The following PLAC1 variants were observed in gnomAD, a reference collection of about 807,000 sequenced individuals.
PLAC1 encodes placenta associated 1, also known as placenta-specific protein 1.
For synonymous variants in PLAC1, 68 were observed against 62.1 expected (o/e 1.09, Z -0.44); for missense variants, 136 against 163.2 (o/e 0.83, Z 0.91).
intron 1 of PLAC1, among the ~76,000 whole-genome samples, chrX:134,625,289 G>C (rs1054283025): frequency 8.9e-6 from 1 of 112,372 alleles, no homozygotes; most frequent in Non-Finnish European, 1.9e-5. Flanking sequence ...ATGGCACACA[G>C]AATCACTTTT....
At chrX:134,619,515 G>C (rs969451667) in intron 1 of PLAC1, among the ~76,000 whole-genome samples, 2 of 110,288 alleles carry the variant, frequency 1.8e-5, no homozygotes, top group Non-Finnish European at 3.8e-5. Context: ...GCCAGGCATG[G>C]TGGCATGCGC....
chrX:134,609,099 A>C (rs1158878968), intron 1 of PLAC1, among the ~76,000 whole-genome samples: 1 of 110,312 alleles, frequency 9.1e-6, no homozygotes. Flanking sequence ...CAGCCTCTCA[A>C]AGTGTTAGGA....
In PLAC1 at chrX:134,728,086, G is replaced by A. The variant is rs146231173; in HGVS notation, n.174+5349C>T. Among the ~76,000 whole-genome samples the A allele has an allele frequency of 4.0e-3, 446 of 111,836 alleles. 4 individuals carry two copies. Among genetic ancestry groups the A allele is most frequent in the African/African-American group, 0.013 (408 of 30,845 alleles). On this transcript the variant is annotated intron_variant and non_coding_transcript_variant, in intron 2 of 2. Coordinates refer to the PLAC1 transcript ENST00000466797. ...TTTGAAGATACTTATATTATCCAGC[G>A]TGAGAAACAGAAAGAAAAACGAATG... is the stretch of plus-strand genomic sequence containing the variant.
intron 1 of PLAC1, among the ~76,000 whole-genome samples, chrX:134,737,663 T>C (rs2078706282): frequency 8.9e-6 from 1 of 112,116 alleles, no homozygotes; most frequent in African/African-American, 3.2e-5. Flanking sequence ...ATTCTAGAGG[T>C]GTGCTCCATT....
At chrX:134,609,835 C>T (rs61699519) in intron 1 of PLAC1, among the ~76,000 whole-genome samples, 3,848 of 111,701 alleles carry the variant, frequency 0.034, 196 homozygotes, top group African/African-American at 0.12. Context: ...ATGACCTCAT[C>T]TAAATCTAAG....
intron 2 of PLAC1, among the ~76,000 whole-genome samples, chrX:134,678,789 G>C (rs2078484130): frequency 9.0e-6 from 1 of 111,705 alleles, no homozygotes; most frequent in Admixed American, 9.5e-5. Flanking sequence ...TGACTTTTTT[G>C]GAAGAAGGAT....
intron 2 of PLAC1, among the ~76,000 whole-genome samples, chrX:134,729,975 G>C (rs1336328238): frequency 9.1e-6 from 1 of 110,341 alleles, no homozygotes; most frequent in Non-Finnish European, 1.9e-5. Flanking sequence ...ATTTTTAGTA[G>C]AGACGGGGTT....
At chrX:134,709,148 C>A (rs2078619933) in intron 2 of PLAC1, among the ~76,000 whole-genome samples, 1 of 112,145 alleles carries the variant, frequency 8.9e-6, no homozygotes, top group African/African-American at 3.2e-5. Context: ...TCTGTAAATT[C>A]TATGCAAGTT....
intron 2 of PLAC1, among the ~76,000 whole-genome samples, chrX:134,705,272 A>G (rs1245472122): frequency 1.9e-5 from 2 of 105,847 alleles, no homozygotes; most frequent in African/African-American, 6.9e-5. Flanking sequence ...ACAAAAAGTT[A>G]GTCGGGTGTG....
intron 1 of PLAC1, among the ~76,000 whole-genome samples, chrX:134,739,222 AAAT>A (rs2078711008): frequency 8.9e-6 from 1 of 112,267 alleles, no homozygotes; most frequent in East Asian, 2.8e-4. Flanking sequence ...TAATGACACT[AAAT>A]GGTTTTAAAA....
chrX:134,625,408 C>T (rs1004746234), intron 1 of PLAC1, among the ~76,000 whole-genome samples: 1 of 112,409 alleles, frequency 8.9e-6, no homozygotes, highest in Non-Finnish European at 1.9e-5. Flanking sequence ...ATTACCATTT[C>T]ATGGTTGCTG....
At chrX:134,619,471 T>C (rs1489247257) in intron 1 of PLAC1, among the ~76,000 whole-genome samples, 1 of 110,035 alleles carries the variant, frequency 9.1e-6, no homozygotes, top group African/African-American at 3.3e-5. Flanking sequence ...GCCAACATGG[T>C]GAAACCCCAT....
chrX:134,667,063 G>T (rs1226689890), intron 2 of PLAC1, among the ~76,000 whole-genome samples: 1 of 112,120 alleles, frequency 8.9e-6, no homozygotes, highest in African/African-American at 3.2e-5. Flanking sequence ...AAATGCAAGA[G>T]CCCAAACTAT....
At chrX:134,623,584 T>A (rs916568036) in intron 1 of PLAC1, among the ~76,000 whole-genome samples, 21 of 112,213 alleles carry the variant, frequency 1.9e-4, no homozygotes, top group Non-Finnish European at 3.8e-4. Flanking sequence ...AAACAGCTAG[T>A]AAGCACTCTA....
At chrX:134,654,531 AC>A (rs751660722) in intron 1 of PLAC1, among the ~76,000 whole-genome samples, 7 of 112,220 alleles carry the variant, frequency 6.2e-5, no homozygotes, top group Non-Finnish European at 1.3e-4. Flanking sequence ...ACAGATCTAC[AC>A]GTGGTTATAT....
chrX:134,642,513 G>C (rs1049185114), intron 1 of PLAC1, among the ~76,000 whole-genome samples: 1 of 111,281 alleles, frequency 9.0e-6, no homozygotes, highest in African/African-American at 3.3e-5. Flanking sequence ...AGGGAAGAGA[G>C]ATAAAGCAGA....
upstream of PLAC1, among the ~76,000 whole-genome samples, chrX:134,661,943 GA>G (rs1414169773): frequency 8.9e-6 from 1 of 112,190 alleles, no homozygotes; most frequent in Non-Finnish European, 1.9e-5. Flanking sequence ...TAAATTATAT[GA>G]AAAACAAAGC....
At chrX:134,675,779 C>G (rs2078472464) in intron 2 of PLAC1, among the ~76,000 whole-genome samples, 1 of 111,754 alleles carries the variant, frequency 8.9e-6, no homozygotes, top group Non-Finnish European at 1.9e-5. Flanking sequence ...AATCTGAGCT[C>G]TTGAGATCCA....
intron 1 of PLAC1, among the ~76,000 whole-genome samples, chrX:134,648,097 A>G (rs2078343513): frequency 9.0e-6 from 1 of 111,601 alleles, no homozygotes; most frequent in East Asian, 2.8e-4. Context: ...GCTTTTAAAA[A>G]TTCATTCCTT....
Sources: gnomAD v4.1 joint callset for allele counts (sites outside exome capture counted in the v4.1 genomes callset) on GRCh38, gnomAD v4.1.1 for gene constraint, MANE v1.5 for transcripts, NCBI Gene and HGNC (gene_info 2026-07-23, HGNC 2026-07-21) for gene names.